Variants in TAX1BP1 observed in about 807,000 individuals in gnomAD.
TAX1BP1 encodes Tax1 binding protein 1.
TAX1BP1 carries 62 observed loss-of-function variants against 97.7 expected under a neutral mutation model. That is an observed-to-expected ratio of 0.63 (90% CI 0.52 to 0.78). TAX1BP1 has a LOEUF of 0.78. Ranked by LOEUF, TAX1BP1 falls within the 30% of genes least tolerant of loss-of-function variation. The probability of loss-of-function intolerance (pLI) is 0.00; values close to 1 mark genes in which losing one functional copy is unlikely to be tolerated. For missense variants in TAX1BP1, 867 were observed against 916.1 expected (o/e 0.95, Z 0.69); for synonymous variants, 340 against 304.2 (o/e 1.12, Z -1.23).
At chr7:27,808,152 C>CA (rs1416923255) in intron 13 of TAX1BP1, among the ~76,000 whole-genome samples, 2 of 152,050 alleles carry the variant, frequency 1.3e-5, no homozygotes, top group Non-Finnish European at 2.9e-5. Flanking sequence ...TGTAGGTGTA[C>CA]CCTCATTGAT....
chr7:27,751,476 G>A (rs73295519), intron 2 of TAX1BP1, among the ~76,000 whole-genome samples: 7,522 of 151,960 alleles, frequency 0.049, 571 homozygotes, highest in African/African-American at 0.17. Flanking sequence ...GTATATATTC[G>A]TTGAACCAGT....
At chr7:27,764,761 A>C (rs981731367) in intron 3 of TAX1BP1, among the ~76,000 whole-genome samples, 4 of 151,950 alleles carry the variant, frequency 2.6e-5, no homozygotes, top group African/African-American at 9.7e-5. Context: ...GTTGATCATT[A>C]CGTTAGAAAG....
intron 5 of TAX1BP1, among the ~76,000 whole-genome samples, chr7:27,771,477 A>G (rs1051913685): frequency 1.3e-5 from 2 of 151,688 alleles, no homozygotes; most frequent in African/African-American, 4.8e-5. Context: ...GTGAAATTAC[A>G]TATATATATA....
At chr7:27,747,794 T>C (rs189032284) in intron 1 of TAX1BP1, among the ~76,000 whole-genome samples, 7 of 145,630 alleles carry the variant, frequency 4.8e-5, no homozygotes, top group Non-Finnish European at 1.1e-4. Context: ...GGGCTATGTA[T>C]ATTCGTATAC....
intron 11 of TAX1BP1, 40 bp downstream of exon 11, chr7:27,794,486 T>A: frequency 5.2e-6 from 8 of 1,547,034 alleles, no homozygotes; most frequent in Admixed American, 1.9e-5. Context: ...GTGTCCTACA[T>A]TGAAAAGTAC....
chr7:27,828,614 T>G lies in TAX1BP1; in HGVS notation c.2169-14T>G. On this transcript the variant is annotated splice_polypyrimidine_tract_variant and intron_variant, in intron 16 of 16. Transcript: ENST00000396319. ...TTATTAGAAACATGTAATTCTTTCATTTTTCTCTTTAAGCTTTGATGTTCA... is the reference window on the plus strand; with the variant it reads ...TTATTAGAAACATGTAATTCTTTCAGTTTTCTCTTTAAGCTTTGATGTTCA... 1 of 1,611,840 alleles carries G rather than the reference T, an allele frequency of 6.2e-7. No individual in the cohort carries two copies. The highest frequency in any genetic ancestry group is 8.5e-7 in the Non-Finnish European group (1 of 1,178,348).
At chr7:27,781,931 C>G (rs1789273948) in intron 5 of TAX1BP1, among the ~76,000 whole-genome samples, 1 of 151,972 alleles carries the variant, frequency 6.6e-6, no homozygotes, top group Non-Finnish European at 1.5e-5. Context: ...GTTGGCCAGG[C>G]TCTCGTACAC....
intron 12 of TAX1BP1, among the ~76,000 whole-genome samples, chr7:27,796,770 A>G (rs1159526347): frequency 6.6e-6 from 1 of 151,948 alleles, no homozygotes; most frequent in African/African-American, 2.4e-5. Context: ...CTGAGGCAGG[A>G]GAATCACTTG....
intron 5 of TAX1BP1, among the ~76,000 whole-genome samples, chr7:27,778,859 TAA>T (rs10710065): frequency 1.6e-3 from 243 of 147,808 alleles, no homozygotes; most frequent in Non-Finnish European, 1.4e-3. Flanking sequence ...AGACTGCGTT[TAA>T]AAAAAAAAAA....
At chr7:27,786,965 A>G (rs1011727962) in intron 7 of TAX1BP1, among the ~76,000 whole-genome samples, 5 of 152,244 alleles carry the variant, frequency 3.3e-5, no homozygotes, top group African/African-American at 1.2e-4. Flanking sequence ...GCACATTGAA[A>G]CTAAATGATA....
At chr7:27,805,465 GTTCT>G (rs1276388001) in intron 13 of TAX1BP1, among the ~76,000 whole-genome samples, 2 of 152,068 alleles carry the variant, frequency 1.3e-5, no homozygotes, top group Non-Finnish European at 2.9e-5. Context: ...CCATGTAAAT[GTTCT>G]TTATTTTTGT....
At chr7:27,774,834 T>C (rs2128313619) in intron 5 of TAX1BP1, among the ~76,000 whole-genome samples, 1 of 152,222 alleles carries the variant, frequency 6.6e-6, no homozygotes, top group South Asian at 2.1e-4. Context: ...GGGATGAAAA[T>C]ACCAGTTTTT....
intron 1 of TAX1BP1, among the ~76,000 whole-genome samples, chr7:27,741,596 G>C (rs902604293): frequency 6.6e-6 from 1 of 151,846 alleles, no homozygotes; most frequent in African/African-American, 2.4e-5. Flanking sequence ...CGCCTCCCAG[G>C]TTCAAGCGAT....
In TAX1BP1 at chr7:27,816,349, G is replaced by T. The variant is rs75265603; in HGVS notation, c.1765G>T (p.Glu589Ter). ...TCATCTTTGTTTTTGTTAATTTTAG[G>T]AACTTAAAAGGAGTCTAGAAAATCC... is the stretch of plus-strand genomic sequence containing the variant. Reference protein sequence around the residue: ...ELAEVQDNYKELKRSLENPAE... With the variant: ...ELAEVQDNYK The change falls in exon 14 of 17, where the codon GAA becomes TAA. Residue 589 changes from glutamate (E) to a stop codon, truncating the protein, a stop_gained and splice_region_variant. Transcript: ENST00000396319. LOFTEE classifies it high-confidence loss of function. 6.4e-7 allele frequency: 1 copy of T among 1,557,476 alleles called. No homozygotes were observed. The highest frequency in any genetic ancestry group is 1.3e-5 in the South Asian group (1 of 79,086).
intron 8 of TAX1BP1, among the ~76,000 whole-genome samples, chr7:27,788,030 TAGTC>T (rs561976411): frequency 1.1e-3 from 161 of 152,218 alleles, no homozygotes; most frequent in African/African-American, 3.7e-3. Flanking sequence ...GATTCACAGT[TAGTC>T]AAAGACTACA....
At chr7:27,805,139 C>A (rs139547296) in intron 13 of TAX1BP1, among the ~76,000 whole-genome samples, 1 of 152,176 alleles carries the variant, frequency 6.6e-6, no homozygotes, top group Non-Finnish European at 1.5e-5. Flanking sequence ...TTTCCACCAG[C>A]AATGTATGAG....
chr7:27,765,115 A>G (rs372798297), intron 3 of TAX1BP1, among the ~76,000 whole-genome samples: 1 of 144,800 alleles, frequency 6.9e-6, no homozygotes, highest in East Asian at 2.1e-4. Flanking sequence ...TCCTGGGCTC[A>G]AGCGATCCTC....
At chr7:27,750,239 T>C (rs1308368392) in intron 2 of TAX1BP1, among the ~76,000 whole-genome samples, 1 of 152,202 alleles carries the variant, frequency 6.6e-6, no homozygotes, top group African/African-American at 2.4e-5. Flanking sequence ...AGGAAAATGG[T>C]ACAGGTTGAA....
At position 27,764,390 on chromosome 7, in the gene TAX1BP1, G is replaced by A. The variant is rs75192714; in HGVS notation, c.266-1444G>A. ...CTTGTCTCTCATCTTGGTTTTGCTC[G>A]ATGTTTTCTCATGATTAGATTGAAG... On this transcript the variant is annotated intron_variant, in intron 3 of 16. Coordinates refer to ENST00000396319, the MANE Select transcript of TAX1BP1 (RefSeq NM_006024.7). Among the ~76,000 whole-genome samples, 1,265 of 152,214 alleles carry A rather than the reference G, an allele frequency of 8.3e-3. 9 individuals are homozygous for A. Among genetic ancestry groups the A allele is most frequent in the Admixed American group, 0.015 (233 of 15,288 alleles).
Sources: gnomAD v4.1 joint callset for allele counts (sites outside exome capture counted in the v4.1 genomes callset) on GRCh38, gnomAD v4.1.1 for gene constraint, MANE v1.5 for transcripts, NCBI Gene and HGNC (gene_info 2026-07-23, HGNC 2026-07-21) for gene names.